PCDHGA7: variants seen among roughly 807,000 people sequenced by gnomAD.
The protein encoded by PCDHGA7 is protocadherin gamma-A7.
PCDHGA7 carries 44 observed loss-of-function variants against 58.3 expected under a neutral mutation model. The ratio of observed to expected loss-of-function variants is 0.75; its 90% CI spans 0.59 to 0.97. The LOEUF is 0.97. PCDHGA7 is among the 50% of genes least tolerant of loss of function. The pLI is 0.00. For synonymous variants in PCDHGA7, 516 were observed against 504.2 expected (o/e 1.02, Z -0.31); for missense variants, 1,266 against 1,188.7 (o/e 1.06, Z -0.96).
At chr5:141,401,226 C>T (rs960294428) in intron 1 of PCDHGA7, among the ~76,000 whole-genome samples, 1 of 152,102 alleles carries the variant, frequency 6.6e-6, no homozygotes, top group African/African-American at 2.4e-5. Context: ...CCTGTAATCC[C>T]AGCTACTCAG....
rs1778642004 is a variant in PCDHGA7, at chr5:141,382,963, A to T, written c.64A>T (p.Thr22Ser). 6.2e-7 allele frequency: 1 copy of T among 1,606,674 alleles called. No homozygotes were observed. ...GFFLLSILLG[T>S]PWEAWAGRIL... ...CTTCCTGCTCTCCATCCTCCTGGGG[A>T]CCCCCTGGGAAGCCTGGGCAGGACG... Residue 22 changes from threonine to serine, a missense_variant, in exon 1 of 4, where the codon ACC becomes TCC. Transcript: ENST00000518325.
rs759809060 is a variant in PCDHGA7, at chr5:141,476,317, G to A, written c.2425-18490G>A. 1.2e-6 allele frequency: 2 copies of A among 1,614,170 alleles called. No individual in the cohort carries two copies. Among genetic ancestry groups the A allele is most frequent in the South Asian group, 2.2e-5 (2 of 91,078 alleles). On this transcript the variant is annotated intron_variant, in intron 1 of 3. Coordinates refer to ENST00000518325, the MANE Select transcript of PCDHGA7 (RefSeq NM_018920.4). This position sits in a 1 kb window ranked among gnomAD's most constrained non-coding sequence, Gnocchi z 7.6. Reference sequence around the variant, plus strand: ...GTAGCCTCTCAGCCCGCAGGTTCCGGGTGGTGTCTGGAGCTAGCCGAAGAT... The same window carrying A: ...GTAGCCTCTCAGCCCGCAGGTTCCGAGTGGTGTCTGGAGCTAGCCGAAGAT...
At chr5:141,440,551 T>C (rs1220901075) in intron 1 of PCDHGA7, 2 of 152,350 alleles carry the variant, frequency 1.3e-5, no homozygotes, top group East Asian at 1.9e-4. Context: ...GCAGGAATGT[T>C]ATTAAGTTAC....
chr5:141,408,307 C>T, intron 1 of PCDHGA7: 1 of 1,613,820 alleles, frequency 6.2e-7, no homozygotes, highest in East Asian at 2.2e-5. Flanking sequence ...CGATCCGCTA[C>T]TCGATTCCGG....
rs1481151067 is a variant in PCDHGA7, at chr5:141,477,223, T to A, written c.2425-17584T>A. On this transcript the variant is annotated intron_variant, in intron 1 of 3. Transcript: ENST00000518325. This position sits in a 1 kb window ranked among gnomAD's most constrained non-coding sequence, Gnocchi z 4.9. ...TACCCGAGGATGCCCCTCTGGGGAC[T>A]GTCATCGCTTTGCTCAGTGTGACTG... The A allele has an allele frequency of 6.2e-7, 1 of 1,614,198 alleles. No individual in the cohort carries two copies. The highest frequency in any genetic ancestry group is 1.1e-5 in the South Asian group (1 of 91,084).
rs1453253478 is a variant in PCDHGA7 at position 141,384,060 on chromosome 5, A to T, written c.1161A>T (p.Pro387=). 6.2e-7 allele frequency: 1 copy of T among 1,609,266 alleles called. No individual in the cohort carries two copies. The highest frequency in any genetic ancestry group is 1.1e-5 in the South Asian group (1 of 90,562). The change falls in exon 1 of 4, where the codon CCA becomes CCT. Residue 387 remains proline (P), a synonymous_variant. Transcript: ENST00000518325. ...GKNGEVTCTI[P]ENLPFKLEKS... is the part of the protein sequence containing the mutation. ...ATGGTGAGGTGACCTGCACCATTCC[A>T]GAAAACCTACCTTTTAAATTAGAAA...
In PCDHGA7 at chr5:141,489,449, A is replaced by G; in HGVS notation, c.2425-5358A>G. The G allele has an allele frequency of 6.2e-7, 1 of 1,614,056 alleles. No homozygotes were observed. Among genetic ancestry groups the G allele is most frequent in the Non-Finnish European group, 8.5e-7 (1 of 1,180,016 alleles). On this transcript the variant is annotated intron_variant, in intron 1 of 3. Coordinates refer to ENST00000518325, the MANE Select transcript of PCDHGA7 (RefSeq NM_018920.4). This position sits in a 1 kb window ranked among gnomAD's most constrained non-coding sequence, Gnocchi z 4.5. ...CGGCGGCTGCAATTGGGCTCTGAGG[A>G]GAATGGGCGCTATTTTTCCCTGAGC...
intron 1 of PCDHGA7, among the ~76,000 whole-genome samples, chr5:141,444,315 G>A (rs2098431855): frequency 6.6e-6 from 1 of 151,946 alleles, no homozygotes; most frequent in South Asian, 2.1e-4. Flanking sequence ...AGGATTACAG[G>A]CATGTGCCAC....
At chr5:141,391,839 T>G (rs995589062) in intron 1 of PCDHGA7, 1 of 152,244 alleles carries the variant, frequency 6.6e-6, no homozygotes, top group Non-Finnish European at 1.5e-5. Context: ...AGAATATATG[T>G]AAAAGTCAAG....
chr5:141,483,166 A>G (rs1288499520), intron 1 of PCDHGA7, among the ~76,000 whole-genome samples: 1 of 152,138 alleles, frequency 6.6e-6, no homozygotes, highest in Non-Finnish European at 1.5e-5. Flanking sequence ...ATCCTGAGTT[A>G]CCTTTGGGCC....
chr5:141,502,373 C>A (rs2099813965), intron 2 of PCDHGA7, among the ~76,000 whole-genome samples: 1 of 151,806 alleles, frequency 6.6e-6, no homozygotes, highest in African/African-American at 2.4e-5. Context: ...TTAAAGAGTC[C>A]AGGCCAGTTG....
rs371490086 is a variant in PCDHGA7, at chr5:141,405,329, G to T, written c.2424+20006G>T. 3 of 1,614,168 alleles carry T rather than the reference G, an allele frequency of 1.9e-6. No individual in the cohort carries two copies. Among genetic ancestry groups the T allele is most frequent in the Non-Finnish European group, 2.5e-6 (3 of 1,180,010 alleles). On this transcript the variant is annotated intron_variant, in intron 1 of 3. Coordinates refer to ENST00000518325, the MANE Select transcript of PCDHGA7 (RefSeq NM_018920.4). The stretch of plus-strand genomic sequence containing the variant: ...CTGTGAGAAAAATGAGCCTTTGTGC[G>T]TCTCTGTTGATTCCAAGTTTCCTAT...
intron 1 of PCDHGA7, chr5:141,471,645 T>G (rs891817778): frequency 1.3e-5 from 2 of 152,178 alleles, no homozygotes; most frequent in Non-Finnish European, 2.9e-5. Context: ...AGTAATATAC[T>G]GGATGTGGGG....
In PCDHGA7 at chr5:141,490,490, C is replaced by A. The variant is rs886264588; in HGVS notation, c.2425-4317C>A. The A allele has an allele frequency of 1.2e-6, 2 of 1,614,184 alleles. No individual in the cohort carries two copies. Among genetic ancestry groups the A allele is most frequent in the Non-Finnish European group, 1.7e-6 (2 of 1,180,028 alleles). ...AGCCAGCCTTTGGACCGGGAGGCCA[C>A]ATCCCACTATATCATCGAGCTGCTG... On this transcript the variant is annotated intron_variant, in intron 1 of 3. Transcript: ENST00000518325. The surrounding 1 kb of genome is among the most constrained non-coding windows in gnomAD (Gnocchi z 5.4).
At chr5:141,455,244 T>A (rs977940552) in intron 1 of PCDHGA7, among the ~76,000 whole-genome samples, 4 of 152,142 alleles carry the variant, frequency 2.6e-5, no homozygotes, top group Non-Finnish European at 4.4e-5. Flanking sequence ...TTAAAGGTCA[T>A]AGTACAATCG....
Position 141,419,438 on chromosome 5 carries a change from A to G in PCDHGA7, c.2424+34115A>G, listed in dbSNP as rs764801455. On this transcript the variant is annotated intron_variant, in intron 1 of 3. Coordinates refer to ENST00000518325, the MANE Select transcript of PCDHGA7 (RefSeq NM_018920.4). ...CGCCTTCGACCACGAGCAGCTGCGC[A>G]CCTTCGAGCTCACGCTGCAGGCCCG... 8 of 1,613,138 alleles carry G rather than the reference A, an allele frequency of 5.0e-6. No homozygotes were observed. The highest frequency in any genetic ancestry group is 4.4e-5 in the South Asian group (4 of 91,044).
At chr5:141,505,532 G>A in intron 3 of PCDHGA7, 51 bp downstream of exon 3, 2 of 1,611,270 alleles carry the variant, frequency 1.2e-6, no homozygotes, top group Non-Finnish European at 1.7e-6. Context: ...GGGGTTCTGG[G>A]GTGCATCTCA....
At chr5:141,469,012 C>T (rs1196140759) in intron 1 of PCDHGA7, among the ~76,000 whole-genome samples, 1 of 151,852 alleles carries the variant, frequency 6.6e-6, no homozygotes, top group Non-Finnish European at 1.5e-5. Flanking sequence ...TGCGGTGGGT[C>T]ACTCCTGTAA....
At chr5:141,415,259 T>C (rs778452630) in intron 1 of PCDHGA7, 1 of 1,614,108 alleles carries the variant, frequency 6.2e-7, no homozygotes, top group Non-Finnish European at 8.5e-7. Flanking sequence ...GACCTCACTC[T>C]GTACCTGGTG....
Sources: gnomAD v4.1 joint callset for allele counts (sites outside exome capture counted in the v4.1 genomes callset) on GRCh38, gnomAD v4.1.1 for gene constraint, Gnocchi (gnomAD v3.1) non-coding constraint, MANE v1.5 for transcripts, NCBI Gene and HGNC (gene_info 2026-07-23, HGNC 2026-07-21) for gene names.